The following PEX14 variants were observed in gnomAD, a reference collection of about 807,000 sequenced individuals.
The protein encoded by PEX14 is peroxisomal biogenesis factor 14.
Under a neutral mutation model 49.5 loss-of-function variants are expected in PEX14, and 15 were observed. That is an observed-to-expected ratio of 0.30 (90% CI 0.20 to 0.47). The LOEUF (loss-of-function observed/expected upper bound fraction) is 0.47, where lower values mean the gene tolerates loss of function less well. PEX14 is among the 20% of genes least tolerant of loss of function. The pLI is 1.00. For synonymous variants in PEX14, 210 were observed against 212.7 expected, an observed-to-expected ratio of 0.99 and a Z score of 0.11; for missense variants, 398 against 494.8, an observed-to-expected ratio of 0.80 and a Z score of 1.86.
intron 2 of PEX14, among the ~76,000 whole-genome samples, chr1:10,496,667 C>T (rs1350504275): frequency 6.6e-6 from 1 of 152,086 alleles, no homozygotes. Context: ...TTGGCCAGCT[C>T]ACTGATTTCT....
chr1:10,591,403 C>T (rs6540940), intron 3 of PEX14, among the ~76,000 whole-genome samples: 126,816 of 152,122 alleles, frequency 0.83, 53,326 homozygotes, highest in Non-Finnish European at 0.9. Context: ...TTCCAGAAAA[C>T]GGGGTGAACC....
intron 1 of PEX14, among the ~76,000 whole-genome samples, chr1:10,480,871 T>A (rs555934464): frequency 0.04 from 5,529 of 137,204 alleles, 167 homozygotes; most frequent in African/African-American, 0.11. Flanking sequence ...ATATATATAT[T>A]TTTTTTTTTG....
intron 4 of PEX14, among the ~76,000 whole-genome samples, chr1:10,608,750 AAAC>A (rs1641194836): frequency 6.8e-6 from 1 of 146,634 alleles, no homozygotes; most frequent in Non-Finnish European, 1.6e-5. Context: ...ATAAAAAAAA[AAAC>A]AAAGCTATCG....
chr1:10,475,529 G>T (rs1362291435), intron 1 of PEX14, among the ~76,000 whole-genome samples: 1 of 152,310 alleles, frequency 6.6e-6, no homozygotes, highest in East Asian at 1.9e-4. Context: ...CTCTCAGTGC[G>T]TTGATAGGAA....
At chr1:10,615,659 C>A (rs143803125) in intron 4 of PEX14, among the ~76,000 whole-genome samples, 2 of 152,196 alleles carry the variant, frequency 1.3e-5, no homozygotes, top group Non-Finnish European at 2.9e-5. Context: ...TCACAGGGTG[C>A]GTGTCCCCAT....
intron 1 of PEX14, among the ~76,000 whole-genome samples, chr1:10,482,432 T>A (rs1222651198): frequency 6.9e-6 from 1 of 144,924 alleles, no homozygotes; most frequent in Non-Finnish European, 1.5e-5. Flanking sequence ...GGGTGGCCCA[T>A]CTTACTTTTT....
At position 10,630,563 on chromosome 1, in the gene PEX14, A is replaced by G. The variant is rs530124005; in HGVS notation, c.*576A>G. 1.6e-3 allele frequency: 251 copies of G among 155,956 alleles called. 1 individual carries two copies. Among genetic ancestry groups the G allele is most frequent in the Admixed American group, 3.6e-3 (59 of 16,198 alleles). The allele number at this position is 155,956 out of a possible 1,614,324, so 9.7% of individuals were successfully genotyped here. ...CTTCCGATGCCCCCGCTTGCCGTGT[A>G]ATGGTTCAGCTAATCCCATGGCGAG... On this transcript the variant is annotated 3_prime_UTR_variant, in exon 9 of 9. Coordinates refer to ENST00000356607, the MANE Select transcript of PEX14 (RefSeq NM_004565.3). This position sits in a 1 kb window ranked among gnomAD's most constrained non-coding sequence, Gnocchi z 4.1.
At chr1:10,533,988 A>G (rs1227087611) in intron 2 of PEX14, among the ~76,000 whole-genome samples, 1 of 152,232 alleles carries the variant, frequency 6.6e-6, no homozygotes, top group Non-Finnish European at 1.5e-5. Flanking sequence ...AGCAAGGTGA[A>G]ACCTGTGTGT....
chr1:10,499,437 A>G (rs1027090394), intron 2 of PEX14, among the ~76,000 whole-genome samples: 1 of 138,672 alleles, frequency 7.2e-6, no homozygotes, highest in African/African-American at 2.6e-5. Context: ...AAATAATCCC[A>G]AAGAACAATT....
chr1:10,624,336 G>T lies in PEX14; in HGVS notation c.488-4G>T, dbSNP rs376837541. The T allele has an allele frequency of 1.2e-6, 2 of 1,602,026 alleles. No homozygotes were observed. Among genetic ancestry groups the T allele is most frequent in the South Asian group, 1.1e-5 (1 of 90,850 alleles). On this transcript the variant is annotated splice_polypyrimidine_tract_variant and splice_region_variant and intron_variant, in intron 6 of 8. Transcript: ENST00000356607. ...CCAGCGCCGTGACTGCTTTCTCCTC[G>T]CAGTGACTCAGTTACAGACGACCCT...
In PEX14 at chr1:10,630,266, G is replaced by A; in HGVS notation, c.*279G>A. On this transcript the variant is annotated 3_prime_UTR_variant, in exon 9 of 9. Transcript: ENST00000356607. The surrounding 1 kb of genome is among the most constrained non-coding windows in gnomAD (Gnocchi z 4.1). ...TCAGGCTGAAGGCAGCGAAGCCTCGGGGCCCAAGCCCCTCCCCAGCCCCCT... is the reference window on the plus strand; with the variant it reads ...TCAGGCTGAAGGCAGCGAAGCCTCGAGGCCCAAGCCCCTCCCCAGCCCCCT... 3.5e-6 allele frequency: 2 copies of A among 564,842 alleles called. No individual in the cohort carries two copies. The highest frequency in any genetic ancestry group is 1.9e-5 in the African/African-American group (1 of 53,190). 35.0% of individuals were successfully genotyped at this position (564,842 alleles called of 1,614,324 possible).
chr1:10,521,635 A>G (rs1195704305), intron 2 of PEX14, among the ~76,000 whole-genome samples: 1 of 152,190 alleles, frequency 6.6e-6, no homozygotes, highest in Non-Finnish European at 1.5e-5. Flanking sequence ...TTACTGAAGA[A>G]GTTGGTGACT....
rs1641884839 is a variant in PEX14, at chr1:10,630,221, C to G, written c.*234C>G. ...CCAGCCCCAGCCCCAGGCCCAGCTG[C>G]CTTTGGCTTTGATCTCAAGTCAGGC... On this transcript the variant is annotated 3_prime_UTR_variant, in exon 9 of 9. Transcript: ENST00000356607. This position sits in a 1 kb window ranked among gnomAD's most constrained non-coding sequence, Gnocchi z 4.1. The G allele has an allele frequency of 7.6e-6, 5 of 659,980 alleles. No homozygotes were observed. Among genetic ancestry groups the G allele is most frequent in the Non-Finnish European group, 1.0e-5 (4 of 395,468 alleles). 40.9% of individuals were successfully genotyped at this position (659,980 alleles called of 1,614,324 possible).
intron 2 of PEX14, among the ~76,000 whole-genome samples, chr1:10,511,401 TTGCTAAC>T (rs1281878888): frequency 2.5e-4 from 38 of 152,210 alleles, no homozygotes; most frequent in Non-Finnish European, 4.6e-4. Flanking sequence ...GAAGTGGTTT[TTGCTAAC>T]ATCATGGTGC....
chr1:10,521,670 C>T (rs1360541640), intron 2 of PEX14, among the ~76,000 whole-genome samples: 2 of 152,170 alleles, frequency 1.3e-5, no homozygotes, highest in Admixed American at 1.3e-4. Flanking sequence ...CCTGGCTCAT[C>T]TTTGGCTTTG....
At chr1:10,556,490 C>T (rs1228369334) in intron 3 of PEX14, among the ~76,000 whole-genome samples, 1 of 152,096 alleles carries the variant, frequency 6.6e-6, no homozygotes, top group Non-Finnish European at 1.5e-5. Context: ...GGGACGCTGG[C>T]GACAGTGTGA....
At chr1:10,565,453 C>T (rs1193926709) in intron 3 of PEX14, among the ~76,000 whole-genome samples, 1 of 152,136 alleles carries the variant, frequency 6.6e-6, no homozygotes, top group Non-Finnish European at 1.5e-5. Context: ...CTTCATGGCT[C>T]CTTTTCCTTG....
chr1:10,481,626 C>T (rs752469012), intron 1 of PEX14, among the ~76,000 whole-genome samples: 3 of 150,996 alleles, frequency 2.0e-5, no homozygotes, highest in Non-Finnish European at 3.0e-5. Context: ...TTGTAGAGGT[C>T]GGGTCTCGCT....
intron 7 of PEX14, among the ~76,000 whole-genome samples, chr1:10,625,413 C>G (rs1641715156): frequency 6.6e-6 from 1 of 152,236 alleles, no homozygotes; most frequent in Non-Finnish European, 1.5e-5. Flanking sequence ...CAGGGAAAGC[C>G]ACTCCTAGCG....
Sources: gnomAD v4.1 joint callset for allele counts (sites outside exome capture counted in the v4.1 genomes callset) on GRCh38, gnomAD v4.1.1 for gene constraint, Gnocchi (gnomAD v3.1) non-coding constraint, MANE v1.5 for transcripts, NCBI Gene and HGNC (gene_info 2026-07-23, HGNC 2026-07-21) for gene names.